NHSL1: variants seen among roughly 807,000 people sequenced by gnomAD.
NHSL1 encodes the protein NHS like 1.
Under a neutral mutation model 95.0 loss-of-function variants are expected in NHSL1, and 48 were observed. The observed-to-expected ratio is 0.51, with a 90% confidence interval of 0.40 to 0.64. NHSL1 has a LOEUF of 0.64. Among genes scored for constraint, NHSL1 ranks in the 30% least tolerant of loss-of-function variants. The pLI, the probability that NHSL1 is intolerant of heterozygous loss-of-function variation, is 0.00. For synonymous variants in NHSL1, 783 were observed against 833.9 expected, an observed-to-expected ratio of 0.94 and a Z score of 1.05; for missense variants, 1,971 against 2,077.7, an observed-to-expected ratio of 0.95 and a Z score of 1.00.
intron 1 of NHSL1, among the ~76,000 whole-genome samples, chr6:138,511,596 A>T (rs1309889064): frequency 6.6e-6 from 1 of 152,082 alleles, no homozygotes; most frequent in African/African-American, 2.4e-5. Context: ...CACTATAAGA[A>T]TTTGACCAAC....
At chr6:138,449,502 C>T (rs1242686697) in intron 3 of NHSL1, among the ~76,000 whole-genome samples, 1 of 151,928 alleles carries the variant, frequency 6.6e-6, no homozygotes, top group African/African-American at 2.4e-5. Flanking sequence ...TGGTGAAATC[C>T]CGTCTCTACT....
intron 1 of NHSL1, chr6:138,512,412 A>G: frequency 2.3e-6 from 1 of 431,394 alleles, no homozygotes; most frequent in Non-Finnish European, 4.6e-6. Context: ...ATAGGATAAA[A>G]TTCACTTCTT....
At chr6:138,515,639 A>G (rs1389700999) in intron 1 of NHSL1, among the ~76,000 whole-genome samples, 1 of 152,226 alleles carries the variant, frequency 6.6e-6, no homozygotes, top group Non-Finnish European at 1.5e-5. Flanking sequence ...GAAATAAACT[A>G]TCTATTTCTT....
chr6:138,469,809 A>AT (rs1229897813), intron 3 of NHSL1, among the ~76,000 whole-genome samples: 1 of 152,192 alleles, frequency 6.6e-6, no homozygotes, highest in African/African-American at 2.4e-5. Flanking sequence ...ATCATGAGGA[A>AT]TAAGCAAAAG....
chr6:138,493,281 A>G (rs1328482719), intron 2 of NHSL1, among the ~76,000 whole-genome samples: 1 of 152,250 alleles, frequency 6.6e-6, no homozygotes, highest in Admixed American at 6.5e-5. Context: ...TATTAATAGT[A>G]AATCCCTTTG....
chr6:138,541,249 C>T (rs890232172), intron 1 of NHSL1, among the ~76,000 whole-genome samples: 2 of 152,112 alleles, frequency 1.3e-5, no homozygotes, highest in Non-Finnish European at 2.9e-5. Flanking sequence ...TGCCTGTAGT[C>T]CCAGCTACTC....
At chr6:138,687,743 C>A (rs978828310) in intron 1 of NHSL1, among the ~76,000 whole-genome samples, 13 of 152,126 alleles carry the variant, frequency 8.5e-5, no homozygotes, top group African/African-American at 3.1e-4. Context: ...AAAAGCCAGG[C>A]ACATGATTCC....
rs569990562 is a variant in NHSL1, at chr6:138,536,266, C to T, written c.16+9357G>A. 5.9e-5 allele frequency among the ~76,000 whole-genome samples: 9 copies of T among 152,182 alleles called. No homozygotes were observed. The South Asian group carries it at 1.9e-3, about 32-fold the overall frequency. On this transcript the variant is annotated intron_variant, in intron 1 of 4. Transcript: ENST00000342260. The stretch of plus-strand genomic sequence containing the variant: ...ACAAAGGTGAGTGAGGACTGGGGAG[C>T]GACTAAGACAAACTCATTTTCAGCC...
chr6:138,447,035 T>C lies in NHSL1; in HGVS notation c.498A>G (p.Thr166=), dbSNP rs1276748022. The C allele has an allele frequency of 2.2e-5, 34 of 1,551,626 alleles. No individual in the cohort carries two copies. The highest frequency in any genetic ancestry group is 8.3e-5 in the South Asian group (7 of 84,068). The stretch of plus-strand genomic sequence containing the variant: ...TAATAGGCACCACGTCAGCCTGGAC[T>C]GTTTGGGCTTGCTGTCGCATCTTCT... The part of the protein sequence containing the change: ...PEEKMRQQAQ[T]VQADVVPINI... Residue 166 remains threonine, a synonymous_variant, in exon 4 of 8, where the codon ACA becomes ACG. Coordinates refer to ENST00000343505, the MANE Select transcript of NHSL1 (RefSeq NM_001144060.2).
At chr6:138,664,712 A>G (rs1785272415) in intron 1 of NHSL1, among the ~76,000 whole-genome samples, 1 of 152,262 alleles carries the variant, frequency 6.6e-6, no homozygotes, top group Non-Finnish European at 1.5e-5. Context: ...ATCTTTATCT[A>G]CTGATCAGCC....
At chr6:138,571,657 A>C (rs1783842571) in intron 1 of NHSL1, 2 of 1,516,086 alleles carry the variant, frequency 1.3e-6, no homozygotes, top group Non-Finnish European at 1.8e-6. Context: ...GAAACAAAGA[A>C]TTCTACATAA....
intron 1 of NHSL1, among the ~76,000 whole-genome samples, chr6:138,591,084 G>A (rs1217460663): frequency 1.3e-5 from 2 of 152,144 alleles, no homozygotes; most frequent in Non-Finnish European, 2.9e-5. Context: ...CCTAGTGACT[G>A]TATGGGGCAA....
At chr6:138,605,874 T>A (rs1467227907) in intron 1 of NHSL1, among the ~76,000 whole-genome samples, 1 of 152,240 alleles carries the variant, frequency 6.6e-6, no homozygotes, top group Non-Finnish European at 1.5e-5. Context: ...TGTGGTAATG[T>A]GGAAAGTGCG....
chr6:138,519,057 C>T (rs192674800), intron 1 of NHSL1, among the ~76,000 whole-genome samples: 6 of 150,278 alleles, frequency 4.0e-5, no homozygotes, highest in Admixed American at 1.4e-4. Flanking sequence ...TAAATACATA[C>T]ATACATACAT....
At chr6:138,454,370 T>G (rs1330101219) in intron 3 of NHSL1, among the ~76,000 whole-genome samples, 1 of 152,226 alleles carries the variant, frequency 6.6e-6, no homozygotes, top group Non-Finnish European at 1.5e-5. Flanking sequence ...TTCACATTTT[T>G]TATTGATGGA....
At position 138,433,345 on chromosome 6, in the gene NHSL1, T is replaced by G; in HGVS notation, c.1000A>C (p.Ile334Leu). ...SLPRSGARANIQSLEPRLGAL... is the reference protein window; with the variant it reads ...SLPRSGARANLQSLEPRLGAL... ...CCCAGCCTCGGCTCAAGGGACTGAATGTTTGCCCTTGCTCCAGAACGCGGA... is the reference window on the plus strand; with the variant it reads ...CCCAGCCTCGGCTCAAGGGACTGAAGGTTTGCCCTTGCTCCAGAACGCGGA... The change falls in exon 6 of 8, where the codon ATT (isoleucine) becomes CTT (leucine). Residue 334 changes from isoleucine (I) to leucine (L), a missense_variant. Ile to Leu is a conservative substitution (Grantham distance 5). Around this residue, in one of 3 missense-constraint regions of NHSL1, gnomAD observed 1,602 missense variants for 1,654.5 expected, o/e 0.97. Coordinates refer to ENST00000343505, the MANE Select transcript of NHSL1 (RefSeq NM_001144060.2). The G allele has an allele frequency of 6.4e-7, 1 of 1,552,182 alleles. No homozygotes were observed. The highest frequency in any genetic ancestry group is 8.7e-7 in the Non-Finnish European group (1 of 1,147,108).
chr6:138,560,296 C>T (rs1019094175), intron 1 of NHSL1, among the ~76,000 whole-genome samples: 1 of 152,122 alleles, frequency 6.6e-6, no homozygotes, highest in Non-Finnish European at 1.5e-5. Context: ...TCTGCTGATC[C>T]AAAGCAATGT....
At chr6:138,554,767 T>TA (rs1362425091) in intron 1 of NHSL1, among the ~76,000 whole-genome samples, 1 of 152,210 alleles carries the variant, frequency 6.6e-6, no homozygotes, top group Non-Finnish European at 1.5e-5. Context: ...GGAATTTCTA[T>TA]AAAAAGGTAG....
chr6:138,687,746 A>G (rs1031685686), intron 1 of NHSL1, among the ~76,000 whole-genome samples: 2 of 152,234 alleles, frequency 1.3e-5, no homozygotes, highest in African/African-American at 4.8e-5. Flanking sequence ...AGCCAGGCAC[A>G]TGATTCCATC....
Sources: allele counts gnomAD v4.1 joint callset (sites outside exome capture counted in the v4.1 genomes callset), GRCh38; gene constraint gnomAD v4.1.1; regional missense constraint gnomAD v4.1.1; transcripts MANE v1.5; gene names NCBI Gene and HGNC (gene_info 2026-07-23, HGNC 2026-07-21).